The following RPS6KC1 variants were observed in gnomAD, a reference collection of about 807,000 sequenced individuals.
The protein encoded by RPS6KC1 is ribosomal protein S6 kinase C1.
In RPS6KC1, 54 loss-of-function variants were observed where a neutral mutation model predicts 103.8. The observed-to-expected ratio is 0.52, with a 90% CI of 0.42 to 0.65. The LOEUF (loss-of-function observed/expected upper bound fraction) is 0.65. Ranked by LOEUF, RPS6KC1 falls within the 30% of genes least tolerant of loss-of-function variation. The probability of loss-of-function intolerance (pLI) is 0.00; values close to 1 mark genes in which losing one functional copy is unlikely to be tolerated. For missense variants in RPS6KC1, 1,151 were observed against 1,253.8 expected (o/e 0.92, Z 1.24); for synonymous variants, 439 against 438.7 (o/e 1.00, Z -0.01).
At chr1:213,767,943 G>T in the RPS6KC1 span, among the ~76,000 whole-genome samples, 1 of 152,200 alleles carries the variant, frequency 6.6e-6, no homozygotes, top group Non-Finnish European at 1.5e-5. Flanking sequence ...CAGGTCACTT[G>T]CAGGAAAAAT....
the RPS6KC1 span, among the ~76,000 whole-genome samples, chr1:213,500,132 AT>A: frequency 6.6e-6 from 1 of 152,238 alleles, no homozygotes; most frequent in Non-Finnish European, 1.5e-5. Flanking sequence ...GACTCTTGTA[AT>A]AACTTAGCTT....
At chr1:213,487,994 C>T in the RPS6KC1 span, among the ~76,000 whole-genome samples, 1 of 152,112 alleles carries the variant, frequency 6.6e-6, no homozygotes, top group African/African-American at 2.4e-5. Context: ...TTCTATTAAT[C>T]CTTAGGTTTC....
the RPS6KC1 span, among the ~76,000 whole-genome samples, chr1:213,854,552 CTT>C: frequency 1.1e-3 from 114 of 105,062 alleles, 3 homozygotes; most frequent in South Asian, 0.016. Flanking sequence ...TTCTTTCTTT[CTT>C]TCTTTCTTTC....
chr1:213,251,288 T>C (rs769303829), intron 12 of RPS6KC1, among the ~76,000 whole-genome samples: 24 of 152,094 alleles, frequency 1.6e-4, no homozygotes, highest in Non-Finnish European at 2.9e-4. Flanking sequence ...TTTGTGTTTT[T>C]AGTAGAGACG....
chr1:213,091,412 C>T (rs1162395038), intron 3 of RPS6KC1, among the ~76,000 whole-genome samples: 1 of 152,080 alleles, frequency 6.6e-6, no homozygotes, highest in African/African-American at 2.4e-5. Context: ...TTCTTTGATA[C>T]ACCAAAACTT....
chr1:213,210,838 A>C (rs1286702219), intron 8 of RPS6KC1, among the ~76,000 whole-genome samples: 2 of 152,220 alleles, frequency 1.3e-5, no homozygotes, highest in Non-Finnish European at 2.9e-5. Context: ...TTGGCAACTT[A>C]GTTGGATATG....
intron 6 of RPS6KC1, among the ~76,000 whole-genome samples, chr1:213,157,301 CCTCCTGCCTCAT>C (rs1031349337): frequency 4.0e-5 from 6 of 151,898 alleles, no homozygotes; most frequent in East Asian, 3.9e-4. Context: ...GCAGGCTCCA[CCTCCTGCCTCAT>C]CTCCTGCCTC....
chr1:213,748,258 G>T, the RPS6KC1 span, among the ~76,000 whole-genome samples: 1 of 152,194 alleles, frequency 6.6e-6, no homozygotes, highest in Non-Finnish European at 1.5e-5. Flanking sequence ...CTTCCAGAAA[G>T]TGCCATGACA....
chr1:213,524,859 G>A, the RPS6KC1 span, among the ~76,000 whole-genome samples: 1 of 152,228 alleles, frequency 6.6e-6, no homozygotes, highest in Non-Finnish European at 1.5e-5. Context: ...GAAAGGTAGA[G>A]CTAACAACCC....
intron 3 of RPS6KC1, among the ~76,000 whole-genome samples, chr1:213,080,721 T>C (rs956116025): frequency 6.6e-6 from 1 of 152,138 alleles, no homozygotes; most frequent in African/African-American, 2.4e-5. Flanking sequence ...CATGCCACCA[T>C]GCCAGTCTAA....
At chr1:213,748,475 A>T in the RPS6KC1 span, among the ~76,000 whole-genome samples, 14 of 152,216 alleles carry the variant, frequency 9.2e-5, no homozygotes, top group Admixed American at 2.0e-4. Flanking sequence ...TGAATTACTC[A>T]TGGTTCTCTT....
At chr1:213,727,129 C>T in the RPS6KC1 span, among the ~76,000 whole-genome samples, 2 of 152,186 alleles carry the variant, frequency 1.3e-5, no homozygotes. Context: ...GCCCACCTAA[C>T]TGCAAGGGGG....
chr1:213,215,594 A>T (rs866876897), intron 8 of RPS6KC1, among the ~76,000 whole-genome samples: 7 of 152,324 alleles, frequency 4.6e-5, no homozygotes, highest in South Asian at 2.1e-4. Flanking sequence ...ACCAAACTTG[A>T]CATGGAGGAA....
chr1:213,860,102 C>A, the RPS6KC1 span, among the ~76,000 whole-genome samples: 1 of 149,886 alleles, frequency 6.7e-6, no homozygotes. Flanking sequence ...AATATAGATA[C>A]GTATATATAT....
At chr1:213,400,087 A>G in the RPS6KC1 span, among the ~76,000 whole-genome samples, 2,228 of 152,248 alleles carry the variant, frequency 0.015, 55 homozygotes, top group African/African-American at 0.05. Context: ...GGGGCTGCAT[A>G]ACCAGAACCC....
the RPS6KC1 span, among the ~76,000 whole-genome samples, chr1:213,324,878 C>T: frequency 6.9e-4 from 105 of 151,716 alleles, no homozygotes; most frequent in Admixed American, 1.0e-3. Flanking sequence ...GTTCAGAGGA[C>T]ATGTGTGTAC....
downstream of RPS6KC1, among the ~76,000 whole-genome samples, chr1:213,278,484 G>A (rs2095116568): frequency 6.6e-6 from 1 of 152,180 alleles, no homozygotes; most frequent in Non-Finnish European, 1.5e-5. Context: ...GATTGTTATA[G>A]GAAGAAAATG....
the RPS6KC1 span, among the ~76,000 whole-genome samples, chr1:213,854,510 C>CCCTT: frequency 5.8e-5 from 7 of 121,014 alleles, no homozygotes; most frequent in East Asian, 4.7e-4. Flanking sequence ...CTCTTTCTTT[C>CCCTT]TCTTTCTTTC....
the RPS6KC1 span, among the ~76,000 whole-genome samples, chr1:213,412,302 G>C: frequency 3.9e-5 from 6 of 152,182 alleles, no homozygotes; most frequent in South Asian, 4.1e-4. Context: ...GAGAAAGAAG[G>C]CTTCACATTT....
Sources: allele counts gnomAD v4.1 joint callset (sites outside exome capture counted in the v4.1 genomes callset), GRCh38; gene constraint gnomAD v4.1.1; transcripts MANE v1.5; gene names NCBI Gene and HGNC (gene_info 2026-07-23, HGNC 2026-07-21).